STX8: variants seen among roughly 807,000 people sequenced by gnomAD.
STX8 encodes the protein syntaxin 8.
Under a neutral mutation model 37.5 loss-of-function variants are expected in STX8, and 23 were observed. The observed-to-expected ratio is 0.61, with a 90% CI of 0.44 to 0.87. The LOEUF (loss-of-function observed/expected upper bound fraction) is 0.87. STX8 is among the 40% of genes least tolerant of loss of function. STX8 has a pLI of 0.00. For missense variants in STX8, 313 were observed against 284.7 expected (o/e 1.10, Z -0.71); for synonymous variants, 115 against 99.1 (o/e 1.16, Z -0.95).
intron 5 of STX8, among the ~76,000 whole-genome samples, chr17:9,500,300 A>G (rs1044040693): frequency 9.2e-5 from 14 of 152,196 alleles, no homozygotes; most frequent in African/African-American, 3.4e-4. Context: ...AATATACGAA[A>G]CAACAGTTTT....
At chr17:9,343,224 A>G (rs1205854578) in intron 7 of STX8, among the ~76,000 whole-genome samples, 1 of 152,078 alleles carries the variant, frequency 6.6e-6, no homozygotes, top group East Asian at 1.9e-4. Context: ...ACCAAACCAC[A>G]CTGTTGCCCC....
At chr17:9,381,356 CA>C (rs1911812473) in intron 6 of STX8, among the ~76,000 whole-genome samples, 1 of 151,542 alleles carries the variant, frequency 6.6e-6, no homozygotes, top group Non-Finnish European at 1.5e-5. Context: ...TTAAGTAAAG[CA>C]AACAAGGAAA....
intron 4 of STX8, among the ~76,000 whole-genome samples, chr17:9,515,239 TA>T (rs921682619): frequency 6.6e-6 from 1 of 152,188 alleles, no homozygotes; most frequent in African/African-American, 2.4e-5. Context: ...CAGAAGGCAC[TA>T]AAAAATTTTA....
intron 4 of STX8, among the ~76,000 whole-genome samples, chr17:9,534,509 G>T (rs1036463678): frequency 1.3e-5 from 2 of 152,056 alleles, no homozygotes; most frequent in East Asian, 3.9e-4. Flanking sequence ...AGCAAAACTC[G>T]GCCAGGCGTG....
chr17:9,556,259 G>A (rs1018126282), intron 3 of STX8, among the ~76,000 whole-genome samples: 4 of 151,982 alleles, frequency 2.6e-5, no homozygotes, highest in African/African-American at 9.7e-5. Context: ...TTTAAAATCT[G>A]GCAATATCCA....
chr17:9,322,163 G>A (rs1317879154), intron 7 of STX8, among the ~76,000 whole-genome samples: 1 of 152,210 alleles, frequency 6.6e-6, no homozygotes, highest in African/African-American at 2.4e-5. Flanking sequence ...CAGATGACAT[G>A]CCACAGGGCA....
At chr17:9,277,722 T>G (rs1187119201) in intron 7 of STX8, among the ~76,000 whole-genome samples, 1 of 152,120 alleles carries the variant, frequency 6.6e-6, no homozygotes, top group Non-Finnish European at 1.5e-5. Flanking sequence ...GGTGATCTGT[T>G]GAGATCTAAA....
At chr17:9,322,776 T>A (rs1909617946) in intron 7 of STX8, among the ~76,000 whole-genome samples, 1 of 146,798 alleles carries the variant, frequency 6.8e-6, no homozygotes, top group South Asian at 2.2e-4. Flanking sequence ...GCAGTCAGTC[T>A]TTCCTTTGTG....
At chr17:9,299,307 A>G (rs1253704287) in intron 7 of STX8, among the ~76,000 whole-genome samples, 3 of 152,122 alleles carry the variant, frequency 2.0e-5, no homozygotes, top group African/African-American at 7.2e-5. Flanking sequence ...AATCTATGCT[A>G]TACAGAATGC....
intron 3 of STX8, among the ~76,000 whole-genome samples, chr17:9,547,072 AC>A (rs1178173869): frequency 6.8e-6 from 1 of 147,262 alleles, no homozygotes; most frequent in Non-Finnish European, 1.5e-5. Flanking sequence ...ACACGGTAAA[AC>A]CCCGTCTCTA....
intron 7 of STX8, among the ~76,000 whole-genome samples, chr17:9,285,905 C>T (rs138423810): frequency 5.4e-4 from 82 of 152,278 alleles, no homozygotes; most frequent in African/African-American, 1.9e-3. Context: ...TCAAAAGTGA[C>T]TAATTTACTC....
intron 6 of STX8, among the ~76,000 whole-genome samples, chr17:9,399,958 GAATA>G (rs1597648081): frequency 6.6e-6 from 1 of 151,718 alleles, no homozygotes; most frequent in Non-Finnish European, 1.5e-5. Flanking sequence ...AATATTTAAT[GAATA>G]GTTACTAAAA....
At chr17:9,379,435 T>C (rs1282767236) in intron 6 of STX8, among the ~76,000 whole-genome samples, 1 of 151,850 alleles carries the variant, frequency 6.6e-6, no homozygotes, top group African/African-American at 2.4e-5. Context: ...AACAGAAAGG[T>C]ACAGAAAGGT....
chr17:9,273,783 G>A lies in STX8; in HGVS notation c.644-23138C>T, dbSNP rs150592701. Among the ~76,000 whole-genome samples, 49 of 152,306 alleles carry A rather than the reference G, an allele frequency of 3.2e-4. No homozygotes were observed. The South Asian group carries it at 6.0e-3, about 19-fold the overall frequency. ...CCTTTCTGCCTTGGCGATTTCCCAC[G>A]CATTCCCGTCTCACGTTGGAAATCC... On this transcript the variant is annotated intron_variant, in intron 7 of 7. Transcript: ENST00000306357.
intron 1 of STX8, among the ~76,000 whole-genome samples, chr17:9,570,492 A>G (rs1202380191): frequency 1.3e-5 from 2 of 152,028 alleles, no homozygotes; most frequent in Non-Finnish European, 2.9e-5. Context: ...TATCGTTTAT[A>G]TCATATATAC....
intron 7 of STX8, 188 bp downstream of exon 7, chr17:9,378,364 C>T: frequency 1.8e-6 from 1 of 546,022 alleles, no homozygotes. Context: ...AATGATATGC[C>T]CTTTGAACTC....
At chr17:9,494,127 T>C (rs891477962) in intron 5 of STX8, among the ~76,000 whole-genome samples, 4 of 151,702 alleles carry the variant, frequency 2.6e-5, no homozygotes, top group African/African-American at 9.7e-5. Context: ...GCCATTCTCC[T>C]GCCTCAGCCT....
chr17:9,529,465 A>G (rs1403928523), intron 4 of STX8, among the ~76,000 whole-genome samples: 1 of 152,184 alleles, frequency 6.6e-6, no homozygotes, highest in Non-Finnish European at 1.5e-5. Context: ...TCCCCAGTGT[A>G]CAGCTCAAAG....
intron 6 of STX8, among the ~76,000 whole-genome samples, chr17:9,423,802 C>T (rs1421529053): frequency 2.0e-5 from 3 of 152,136 alleles, no homozygotes. Flanking sequence ...TGCCAGAAAG[C>T]TAGACACTGC....
Sources: gnomAD v4.1 joint callset for allele counts (sites outside exome capture counted in the v4.1 genomes callset) on GRCh38, gnomAD v4.1.1 for gene constraint, MANE v1.5 for transcripts, NCBI Gene and HGNC (gene_info 2026-07-23, HGNC 2026-07-21) for gene names.